MACROD2: variants seen among roughly 807,000 people sequenced by gnomAD.
MACROD2 encodes ADP-ribose glycohydrolase MACROD2.
In MACROD2, 36 loss-of-function variants were observed where a neutral mutation model predicts 70.4. The observed-to-expected ratio is 0.51, with a 90% CI of 0.39 to 0.68. MACROD2 has a LOEUF of 0.68. Ranked by LOEUF, MACROD2 falls within the 30% of genes least tolerant of loss-of-function variation. The probability of loss-of-function intolerance (pLI) is 0.00; values close to 1 mark genes in which losing one functional copy is unlikely to be tolerated. For missense variants in MACROD2, 496 were observed against 538.4 expected, an observed-to-expected ratio of 0.92 and a Z score of 0.78; for synonymous variants, 172 against 178.8, an observed-to-expected ratio of 0.96 and a Z score of 0.30.
intron 8 of MACROD2, among the ~76,000 whole-genome samples, chr20:15,758,695 A>T (rs1568544456): frequency 1.3e-5 from 2 of 151,752 alleles, no homozygotes; most frequent in South Asian, 4.2e-4. Context: ...ATGCTCCACC[A>T]CACCCAGCTA....
At chr20:14,143,514 T>C (rs1047236849) in intron 3 of MACROD2, among the ~76,000 whole-genome samples, 4 of 152,126 alleles carry the variant, frequency 2.6e-5, no homozygotes, top group African/African-American at 9.7e-5. Flanking sequence ...TTACAAAATC[T>C]TCTGATATGT....
intron 6 of MACROD2, among the ~76,000 whole-genome samples, chr20:15,420,872 T>C (rs1281614035): frequency 6.6e-6 from 1 of 152,104 alleles, no homozygotes; most frequent in Non-Finnish European, 1.5e-5. Context: ...GATTACTTGA[T>C]GCTAGGAGTT....
At chr20:14,033,810 A>C (rs1166901761) in intron 2 of MACROD2, among the ~76,000 whole-genome samples, 1 of 152,134 alleles carries the variant, frequency 6.6e-6, no homozygotes, top group East Asian at 1.9e-4. Context: ...AATTTATATA[A>C]ATGTGTGTGT....
chr20:14,050,306 A>C (rs922511627), intron 2 of MACROD2, among the ~76,000 whole-genome samples: 1 of 152,166 alleles, frequency 6.6e-6, no homozygotes. Context: ...AGGAAAGGAA[A>C]GATGGCTCTG....
intron 5 of MACROD2, among the ~76,000 whole-genome samples, chr20:14,897,016 G>A (rs189069512): frequency 6.6e-6 from 1 of 152,262 alleles, no homozygotes; most frequent in Admixed American, 6.5e-5. Flanking sequence ...GCCCAAAATG[G>A]ACATGGTGAG....
chr20:15,874,914 T>C (rs917011749), intron 9 of MACROD2, among the ~76,000 whole-genome samples: 1 of 152,066 alleles, frequency 6.6e-6, no homozygotes, highest in African/African-American at 2.4e-5. Flanking sequence ...GTGGGGTCAA[T>C]GTCATCAAGA....
At chr20:14,482,407 C>T (rs1219176495) in intron 3 of MACROD2, among the ~76,000 whole-genome samples, 1 of 151,092 alleles carries the variant, frequency 6.6e-6, no homozygotes, top group African/African-American at 2.4e-5. Context: ...TATATAATTT[C>T]CACTTTATTC....
chr20:14,499,373 A>G (rs983133240), intron 4 of MACROD2, among the ~76,000 whole-genome samples: 2 of 152,118 alleles, frequency 1.3e-5, no homozygotes, highest in Non-Finnish European at 2.9e-5. Flanking sequence ...TCTACAAAAA[A>G]TAATCAAAAA....
At chr20:15,907,475 G>A (rs1445255050) in intron 10 of MACROD2, among the ~76,000 whole-genome samples, 1 of 152,220 alleles carries the variant, frequency 6.6e-6, no homozygotes, top group Non-Finnish European at 1.5e-5. Flanking sequence ...TTCTAAAAGT[G>A]TTAACTCAAT....
At chr20:14,680,334 G>T (rs1438935371) in intron 4 of MACROD2, among the ~76,000 whole-genome samples, 1 of 152,154 alleles carries the variant, frequency 6.6e-6, no homozygotes, top group East Asian at 1.9e-4. Flanking sequence ...TATGTCTATA[G>T]AATTTGGAAT....
intron 5 of MACROD2, among the ~76,000 whole-genome samples, chr20:14,858,362 C>T (rs914577151): frequency 6.6e-6 from 1 of 151,974 alleles, no homozygotes; most frequent in Non-Finnish European, 1.5e-5. Context: ...CAGAATTTCT[C>T]GGGTTATTGT....
chr20:15,923,249 G>A (rs2065438517), intron 10 of MACROD2, among the ~76,000 whole-genome samples: 1 of 152,194 alleles, frequency 6.6e-6, no homozygotes, highest in Non-Finnish European at 1.5e-5. Context: ...CATGGCTGGG[G>A]AGGCCTCAGA....
intron 12 of MACROD2, among the ~76,000 whole-genome samples, chr20:15,966,517 G>A (rs2066141907): frequency 6.6e-6 from 1 of 152,122 alleles, no homozygotes; most frequent in Non-Finnish European, 1.5e-5. Flanking sequence ...TGAGGCAGGA[G>A]GATCCTTTGA....
At chr20:15,967,032 C>T in intron 12 of MACROD2, among the ~76,000 whole-genome samples, 1 of 152,144 alleles carries the variant, frequency 6.6e-6, no homozygotes, top group East Asian at 1.9e-4. Context: ...AGGGAATGAC[C>T]TTGCAGAGAC....
At chr20:14,321,234 G>A (rs771191163) in intron 3 of MACROD2, among the ~76,000 whole-genome samples, 3 of 152,010 alleles carry the variant, frequency 2.0e-5, no homozygotes, top group African/African-American at 7.3e-5. Context: ...GTGTGGTGAC[G>A]CAAGTCTGTA....
chr20:15,110,060 A>G (rs547206171), intron 5 of MACROD2, among the ~76,000 whole-genome samples: 1 of 152,228 alleles, frequency 6.6e-6, no homozygotes, highest in African/African-American at 2.4e-5. Flanking sequence ...GAGAACTCAA[A>G]GTATGGAAAA....
chr20:14,670,073 A>T (rs1193852780), intron 4 of MACROD2, among the ~76,000 whole-genome samples: 1 of 152,036 alleles, frequency 6.6e-6, no homozygotes, highest in African/African-American at 2.4e-5. Context: ...CAGTTGTTTT[A>T]AAAAAAGGTA....
chr20:14,425,189 G>T (rs1402943464), intron 3 of MACROD2, among the ~76,000 whole-genome samples: 2 of 152,084 alleles, frequency 1.3e-5, no homozygotes, highest in Non-Finnish European at 2.9e-5. Context: ...TTTTGATATT[G>T]AGCTTCATGT....
At chr20:14,270,587 CAAAA>C (rs11480264) in intron 3 of MACROD2, among the ~76,000 whole-genome samples, 1 of 124,834 alleles carries the variant, frequency 8.0e-6, no homozygotes, top group Admixed American at 8.3e-5. Flanking sequence ...GACTCCATCT[CAAAA>C]AAAAAAAAAA....
Sources: gnomAD v4.1 joint callset for allele counts (sites outside exome capture counted in the v4.1 genomes callset) on GRCh38, gnomAD v4.1.1 for gene constraint, MANE v1.5 for transcripts, NCBI Gene and HGNC (gene_info 2026-07-23, HGNC 2026-07-21) for gene names.